Variants in ZNF837 observed in about 807,000 individuals in gnomAD.
ZNF837 encodes the protein zinc finger protein 837.
For missense variants in ZNF837, 955 were observed against 801.7 expected, an observed-to-expected ratio of 1.19 and a Z score of -2.31; for synonymous variants, 475 against 365.2, an observed-to-expected ratio of 1.30 and a Z score of -3.43.
Position 58,369,182 on chromosome 19 carries a change from G to A in ZNF837, c.151C>T (p.Arg51Cys). The change falls in exon 3 of 3, where the codon CGT becomes TGT. Residue 51 changes from arginine to cysteine, a missense_variant. Arg to Cys is a radical substitution (Grantham distance 180). Coordinates refer to ENST00000597582, the MANE Select transcript of ZNF837 (RefSeq NM_138466.2). ...GTCGTCCTACCGCCCGCCGCTCCAC[G>A]CAGGTCCCCCTTTTGAGTGGGGCGG... Reference protein sequence around the residue: ...GSRPTQKGDLRGAAGGRTTPP... With the variant: ...GSRPTQKGDLCGAAGGRTTPP... The A allele has an allele frequency of 2.1e-6, 3 of 1,451,132 alleles. No individual in the cohort carries two copies. In the South Asian group the frequency reaches 4.3e-5, roughly 21 times the overall value. The allele number at this position is 1,451,132 out of a possible 1,614,324, so 89.9% of individuals were successfully genotyped here. A position where few individuals can be genotyped will look rare whatever the true frequency, so the allele number is the denominator to read the frequency against.
At chr19:58,371,786 A>G (rs1315834439) in intron 1 of ZNF837, among the ~76,000 whole-genome samples, 1 of 152,212 alleles carries the variant, frequency 6.6e-6, no homozygotes, top group Non-Finnish European at 1.5e-5. Flanking sequence ...CAGTGGCGCC[A>G]TCTCAGCTCA....
At chr19:58,374,212 A>G (rs2052223433) in intron 1 of ZNF837, among the ~76,000 whole-genome samples, 1 of 152,246 alleles carries the variant, frequency 6.6e-6, no homozygotes, top group Non-Finnish European at 1.5e-5. Context: ...AAATGAACTC[A>G]GGCATTCAAG....
chr19:58,371,831 C>T (rs2052204726), intron 1 of ZNF837, among the ~76,000 whole-genome samples: 1 of 152,108 alleles, frequency 6.6e-6, no homozygotes, highest in South Asian at 2.1e-4. Context: ...AAGCAATTCT[C>T]CTGCCTCAGC....
At position 58,375,296 on chromosome 19, in the gene ZNF837, AT is replaced by A. The variant is rs1331386145; in HGVS notation, c.-139-5369del. On this transcript the variant is annotated intron_variant, in intron 1 of 2. Coordinates refer to ENST00000597582, the MANE Select transcript of ZNF837 (RefSeq NM_138466.2). The stretch of plus-strand genomic sequence containing the variant: ...TATATATATATATATATATATATAT[AT>A]ATATATATATATATAAAATTACATA... 2.7e-3 allele frequency among the ~76,000 whole-genome samples: 218 copies of A among 80,596 alleles called. 16 individuals carry two copies. The highest frequency in any genetic ancestry group is 8.3e-3 in the African/African-American group (208 of 24,926). The allele number at this position is 80,596 out of a possible 152,430, so 52.9% of individuals were successfully genotyped here.
intron 1 of ZNF837, among the ~76,000 whole-genome samples, chr19:58,376,906 CCT>C (rs765694852): frequency 6.9e-6 from 1 of 144,168 alleles, no homozygotes; most frequent in Non-Finnish European, 1.5e-5. Flanking sequence ...ATGGTGAAAC[CCT>C]GTCTCTATTA....
Position 58,368,952 on chromosome 19 carries a change from G to A in ZNF837, c.381C>T (p.Asn127=). ...CCCCGCGATGCCACGCCAGGCAGGA[G>A]TTCCTGCTGCAGTCCCCGCCACGCG... is the stretch of plus-strand genomic sequence containing the variant. ...SPARGGDCSR[N]SCLAWHRGAP... The change falls in exon 3 of 3, where the codon AAC becomes AAT. Residue 127 remains asparagine, a synonymous_variant. Transcript: ENST00000597582. The A allele has an allele frequency of 6.5e-7, 1 of 1,542,176 alleles. No homozygotes were observed. Among genetic ancestry groups the A allele is most frequent in the Admixed American group, 2.0e-5 (1 of 50,532 alleles).
chr19:58,370,776 T>C (rs1008520749), intron 1 of ZNF837, among the ~76,000 whole-genome samples: 38 of 151,594 alleles, frequency 2.5e-4, no homozygotes, highest in Non-Finnish European at 4.4e-4. Flanking sequence ...GTGCCTGTAA[T>C]CCCAGCTACT....
chr19:58,369,373 G>C lies in ZNF837; in HGVS notation c.-29-12C>G. Reference sequence around the variant, plus strand: ...TCTGGTTGTAGGATCTGGAAGAGCAGAGAAGAAATGGAGGTTGGCGGTTCC... The same window carrying C: ...TCTGGTTGTAGGATCTGGAAGAGCACAGAAGAAATGGAGGTTGGCGGTTCC... On this transcript the variant is annotated splice_polypyrimidine_tract_variant and intron_variant, in intron 2 of 2. Coordinates refer to ENST00000597582, the MANE Select transcript of ZNF837 (RefSeq NM_138466.2). The C allele has an allele frequency of 7.5e-7, 1 of 1,327,258 alleles. No homozygotes were observed. Among genetic ancestry groups the C allele is most frequent in the Non-Finnish European group, 9.6e-7 (1 of 1,042,918 alleles). The allele number at this position is 1,327,258 out of a possible 1,614,324, so 82.2% of individuals were successfully genotyped here.
chr19:58,371,190 G>C (rs985154087), intron 1 of ZNF837, among the ~76,000 whole-genome samples: 1 of 147,704 alleles, frequency 6.8e-6, no homozygotes, highest in African/African-American at 2.5e-5. Context: ...GCAGTGAGCC[G>C]AGATCACGCC....
At chr19:58,373,981 TGCA>T (rs1222240381) in intron 1 of ZNF837, among the ~76,000 whole-genome samples, 1 of 152,246 alleles carries the variant, frequency 6.6e-6, no homozygotes, top group African/African-American at 2.4e-5. Flanking sequence ...GCTCCCCCAC[TGCA>T]GGTGAGCTGA....
rs1568568384 is a variant in ZNF837 at position 58,375,307 on chromosome 19, T to TACAC, written c.-139-5380_-139-5379insGTGT. Among the ~76,000 whole-genome samples the TACAC allele has an allele frequency of 1.5e-4, 7 of 46,652 alleles. 1 individual carries two copies. The highest frequency in any genetic ancestry group is 3.2e-4 in the African/African-American group (7 of 21,682). 30.6% of individuals were successfully genotyped at this position (46,652 alleles called of 152,430 possible). A position where few individuals can be genotyped will look rare whatever the true frequency, so the allele number is the denominator to read the frequency against. On this transcript the variant is annotated intron_variant, in intron 1 of 2. Transcript: ENST00000597582. ...ATATATATATATATATATATATATA[T>TACAC]ATATAAAATTACATATATACTTAAG...
At chr19:58,379,285 C>T (rs1243547532) in intron 1 of ZNF837, among the ~76,000 whole-genome samples, 1 of 152,208 alleles carries the variant, frequency 6.6e-6, no homozygotes, top group Non-Finnish European at 1.5e-5. Flanking sequence ...CTAACAGCAT[C>T]TTCGGATTGG....
At chr19:58,375,272 A>ATG (rs2052233441) in intron 1 of ZNF837, among the ~76,000 whole-genome samples, 2 of 21,422 alleles carry the variant, frequency 9.3e-5, no homozygotes, top group African/African-American at 2.7e-4. Context: ...AAAAAAAAGT[A>ATG]TATATATATA....
Position 58,367,787 on chromosome 19 carries a change from A to G in ZNF837, c.1546T>C (p.Ser516Pro). 1.3e-6 allele frequency: 2 copies of G among 1,536,094 alleles called. No homozygotes were observed. The highest frequency in any genetic ancestry group is 1.7e-6 in the Non-Finnish European group (2 of 1,146,008). Residue 516 changes from serine (S) to proline (P), a missense_variant, in exon 3 of 3, where the codon TCC (serine) becomes CCC (proline). Physicochemically the swap from Ser to Pro is moderately conservative, Grantham distance 74. Coordinates refer to ENST00000597582, the MANE Select transcript of ZNF837 (RefSeq NM_138466.2). ...GDCGRAFSQR[S>P]NLNEHRKRHG... ...CGCTTCCGGTGCTCGTTGAGGTTGG[A>G]GCGTTGGCTGAAGGCGCGGCCGCAA...
At position 58,367,830 on chromosome 19, in the gene ZNF837, C is replaced by T. The variant is rs1367146625; in HGVS notation, c.1503G>A (p.Arg501=). ...VRHLRTHTGE[R]PYACGDCGRA... ...GGCCGCAATCTCCGCACGCGTAGGG[C>T]CGCTCGCCCGTGTGCGTGCGCAGGT... The change falls in exon 3 of 3, where the codon CGG becomes CGA. Residue 501 remains arginine, a synonymous_variant. Transcript: ENST00000597582. 8 of 1,536,078 alleles carry T rather than the reference C, an allele frequency of 5.2e-6. No homozygotes were observed. The highest frequency in any genetic ancestry group is 7.0e-6 in the Non-Finnish European group (8 of 1,145,054).
At position 58,368,772 on chromosome 19, in the gene ZNF837, G is replaced by A. The variant is rs770977479; in HGVS notation, c.561C>T (p.Ser187=). 4.3e-5 allele frequency: 66 copies of A among 1,542,736 alleles called. 1 individual carries two copies. In the African/African-American group the frequency reaches 6.4e-4, roughly 15 times the overall value. ...PTCPRTPKPT[S]RGRNPLVEQP... ...GCTCCACCAAGGGGTTCCTCCCGCGGGAGGTCGGCTTTGGGGTCCTCGGGC... is the reference window on the plus strand; with the variant it reads ...GCTCCACCAAGGGGTTCCTCCCGCGAGAGGTCGGCTTTGGGGTCCTCGGGC... Residue 187 remains serine, a synonymous_variant, in exon 3 of 3, where the codon TCC becomes TCT. Coordinates refer to ENST00000597582, the MANE Select transcript of ZNF837 (RefSeq NM_138466.2).
rs769645216 is a variant in ZNF837 at position 58,368,535 on chromosome 19, C to A, written c.798G>T (p.Pro266=). ...SRPRPIVPDP[P]AQRLYACDEC... ...CGTCGCAAGCGTACAGTCGCTGGGC[C>A]GGGGGGTCGGGGACAATAGGGCGAG... The change falls in exon 3 of 3, where the codon CCG becomes CCT. Residue 266 remains proline, a synonymous_variant. Coordinates refer to ENST00000597582, the MANE Select transcript of ZNF837 (RefSeq NM_138466.2). 6.5e-7 allele frequency: 1 copy of A among 1,532,898 alleles called. No homozygotes were observed. 95.0% of individuals were successfully genotyped at this position (1,532,898 alleles called of 1,614,324 possible). A position where few individuals can be genotyped will look rare whatever the true frequency, so the allele number is the denominator to read the frequency against.
In ZNF837 at chr19:58,367,787, AG is replaced by A. The variant is rs781116025; in HGVS notation, c.1545del (p.Ser516ProfsTer?). On this transcript the variant is annotated frameshift_variant, in exon 3 of 3. Transcript: ENST00000597582. LOFTEE classifies it low-confidence loss of function (END_TRUNC). ...CGDCGRAFSQ[R>X]SNLNEHRKRH... ...CGCTTCCGGTGCTCGTTGAGGTTGG[AG>A]CGTTGGCTGAAGGCGCGGCCGCAAT... is the stretch of plus-strand genomic sequence containing the variant. 81 of 1,535,976 alleles carry A rather than the reference AG, an allele frequency of 5.3e-5. No individual in the cohort carries two copies. Among genetic ancestry groups the A allele is most frequent in the Middle Eastern group, 1.7e-4 (1 of 5,872 alleles).
intron 1 of ZNF837, among the ~76,000 whole-genome samples, chr19:58,380,707 G>C (rs1038845879): frequency 2.6e-5 from 4 of 152,196 alleles, no homozygotes; most frequent in Non-Finnish European, 5.9e-5. Context: ...CACCCAGCAC[G>C]GAAACGCGGG....
Sources: allele counts gnomAD v4.1 joint callset (sites outside exome capture counted in the v4.1 genomes callset), GRCh38; gene constraint gnomAD v4.1.1; transcripts MANE v1.5; gene names NCBI Gene and HGNC (gene_info 2026-07-23, HGNC 2026-07-21).